NFIB: variants seen among roughly 807,000 people sequenced by gnomAD.
The protein encoded by NFIB is nuclear factor 1 B-type.
A neutral mutation model predicts 61.5 loss-of-function variants in NFIB; 11 were observed. That is an observed-to-expected ratio of 0.18 (90% CI 0.11 to 0.30). The LOEUF (loss-of-function observed/expected upper bound fraction) is 0.30. Ranked by LOEUF, NFIB falls within the 10% of genes least tolerant of loss-of-function variation. NFIB has a pLI of 1.00. For missense variants in NFIB, 471 were observed against 608.9 expected (o/e 0.77, Z 2.38); for synonymous variants, 260 against 216.5 (o/e 1.20, Z -1.76).
chr9:14,516,093 C>T, the NFIB span, among the ~76,000 whole-genome samples: 2 of 152,214 alleles, frequency 1.3e-5, no homozygotes, highest in Non-Finnish European at 2.9e-5. Context: ...CCACAGCAGC[C>T]GAGCTGCCCA....
rs184676764 is a variant in NFIB, at chr9:14,273,059, G to A, written c.562+33930C>T. ...TGTCAGTCCTAAGTCAAGAAAACAT[G>A]CCCAGCCAGGGCACGCCAGGGAGAA... On this transcript the variant is annotated intron_variant, in intron 2 of 10. Transcript: ENST00000380953. Among the ~76,000 whole-genome samples, 491 of 152,214 alleles carry A rather than the reference G, an allele frequency of 3.2e-3. 1 individual carries two copies. Among genetic ancestry groups the A allele is most frequent in the African/African-American group, 0.012 (478 of 41,530 alleles).
At chr9:14,138,418 A>T (rs544617689) in intron 6 of NFIB, among the ~76,000 whole-genome samples, 13 of 152,262 alleles carry the variant, frequency 8.5e-5, no homozygotes, top group Middle Eastern at 3.4e-3. Flanking sequence ...TAATCTATGG[A>T]CTAAATTTGA....
chr9:14,519,754 C>G, the NFIB span, among the ~76,000 whole-genome samples: 1 of 152,134 alleles, frequency 6.6e-6, no homozygotes, highest in Non-Finnish European at 1.5e-5. Context: ...TGCTACTACC[C>G]CCACAAAACA....
At chr9:14,494,698 T>C in the NFIB span, among the ~76,000 whole-genome samples, 188 of 152,346 alleles carry the variant, frequency 1.2e-3, no homozygotes, top group African/African-American at 4.3e-3. Flanking sequence ...CCAGTGATTT[T>C]ACATCAGCAA....
At chr9:14,160,828 T>C (rs2044086803) in intron 3 of NFIB, among the ~76,000 whole-genome samples, 1 of 53,538 alleles carries the variant, frequency 1.9e-5, no homozygotes, top group Non-Finnish European at 3.3e-5. Flanking sequence ...GTGAAGGAAA[T>C]CTCAAAAAAA....
intron 3 of NFIB, among the ~76,000 whole-genome samples, chr9:14,164,851 A>T (rs1031318545): frequency 3.9e-5 from 6 of 152,142 alleles, no homozygotes; most frequent in African/African-American, 1.2e-4. Context: ...TTTAATTGAT[A>T]TGGGGTGAGA....
chr9:14,347,019 G>A (rs1335461802), intron 1 of NFIB, among the ~76,000 whole-genome samples: 1 of 151,946 alleles, frequency 6.6e-6, no homozygotes, highest in Non-Finnish European at 1.5e-5. Context: ...CTAGGCCAGC[G>A]AAATCGCGGC....
Position 14,306,847 on chromosome 9 carries a change from A to G in NFIB, c.562+142T>C, listed in dbSNP as rs1031039199. The G allele has an allele frequency of 1.3e-5, 13 of 967,692 alleles. No individual in the cohort carries two copies. The African/African-American group carries it at 2.1e-4, about 16-fold the overall frequency. The allele number at this position is 967,692 out of a possible 1,614,324, so 59.9% of individuals were successfully genotyped here. A position where few individuals can be genotyped will look rare whatever the true frequency, so the allele number is the denominator to read the frequency against. On this transcript the variant is annotated intron_variant, in intron 2 of 10. Transcript: ENST00000380953. ...GCACATGGCAGCGGACATGTGAGTG[A>G]AAGCGGACACCCTACTATACCCAGA...
intron 6 of NFIB, among the ~76,000 whole-genome samples, chr9:14,133,473 C>T (rs2040641694): frequency 6.6e-6 from 1 of 152,144 alleles, no homozygotes; most frequent in East Asian, 1.9e-4. Context: ...AAATGACAGG[C>T]TACCAAATCA....
chr9:14,251,346 G>A (rs1321626058), intron 2 of NFIB, among the ~76,000 whole-genome samples: 4 of 152,176 alleles, frequency 2.6e-5, no homozygotes, highest in Non-Finnish European at 4.4e-5. Context: ...AAATCCTAAT[G>A]GCAGACTGCC....
At chr9:14,365,742 T>G (rs535569221) in intron 1 of NFIB, among the ~76,000 whole-genome samples, 5 of 152,320 alleles carry the variant, frequency 3.3e-5, no homozygotes, top group African/African-American at 1.2e-4. Flanking sequence ...AAGCTTGTCC[T>G]AGTATAGGGG....
chr9:14,459,539 C>G, the NFIB span, among the ~76,000 whole-genome samples: 1 of 152,066 alleles, frequency 6.6e-6, no homozygotes, highest in Admixed American at 6.6e-5. Flanking sequence ...AACTAAAGAG[C>G]TTCTGCACAG....
intron 3 of NFIB, among the ~76,000 whole-genome samples, chr9:14,162,656 A>G (rs1270975875): frequency 6.6e-6 from 1 of 152,142 alleles, no homozygotes; most frequent in Non-Finnish European, 1.5e-5. Flanking sequence ...ATTATTTCAT[A>G]AAAAGTTATT....
chr9:14,344,590 C>G (rs995053533), intron 1 of NFIB, among the ~76,000 whole-genome samples: 2 of 152,064 alleles, frequency 1.3e-5, no homozygotes, highest in Admixed American at 6.5e-5. Context: ...CAGTCCTAAC[C>G]AGTTCTACCT....
intron 2 of NFIB, among the ~76,000 whole-genome samples, chr9:14,222,025 C>A (rs1296809909): frequency 6.6e-6 from 1 of 152,210 alleles, no homozygotes; most frequent in Non-Finnish European, 1.5e-5. Context: ...GGAAGCAAAT[C>A]TTGGCTTAAA....
chr9:14,499,442 G>A, the NFIB span, among the ~76,000 whole-genome samples: 2 of 152,126 alleles, frequency 1.3e-5, no homozygotes, highest in African/African-American at 4.8e-5. Context: ...CTTGAATGGG[G>A]TGTTTAGCTT....
chr9:14,293,759 G>C (rs1364922997), intron 2 of NFIB, among the ~76,000 whole-genome samples: 1 of 151,972 alleles, frequency 6.6e-6, no homozygotes, highest in Non-Finnish European at 1.5e-5. Context: ...ACAAACTCCT[G>C]GATATTAGAT....
rs3081606 is a variant in NFIB at position 14,322,076 on chromosome 9, TAAAAAAAAAAAAA to T, written c.109-14569_109-14557del. ...TTTGGTGTCGCTTTTTGTGTTTAGT[TAAAAAAAAAAAAA>T]AAAAAAAAAAAAAGCAATCCGGGAG... On this transcript the variant is annotated intron_variant, in intron 1 of 8. Coordinates refer to the NFIB transcript ENST00000380934. 9.1e-4 allele frequency: 1,014 copies of T among 1,111,416 alleles called. 3 individuals carry two copies. The African/African-American group carries it at 0.01, about 11-fold the overall frequency. The allele number at this position is 1,111,416 out of a possible 1,614,324, so 68.8% of individuals were successfully genotyped here.
chr9:14,372,204 C>T (rs553047879), intron 1 of NFIB, among the ~76,000 whole-genome samples: 157 of 151,744 alleles, frequency 1.0e-3, no homozygotes, highest in Non-Finnish European at 7.2e-4. Context: ...AAAAGCAGAA[C>T]GATTTTTCGT....
Sources: gnomAD v4.1 joint callset for allele counts (sites outside exome capture counted in the v4.1 genomes callset) on GRCh38, gnomAD v4.1.1 for gene constraint, MANE v1.5 for transcripts, NCBI Gene and HGNC (gene_info 2026-07-23, HGNC 2026-07-21) for gene names.